Variants in TEX11 observed in about 807,000 individuals in gnomAD.
TEX11 encodes testis-expressed protein 11.
A neutral mutation model predicts 84.4 loss-of-function variants in TEX11; 7 were observed. The observed-to-expected ratio is 0.08, with a 90% confidence interval of 0.05 to 0.16. TEX11 has a LOEUF of 0.16. TEX11 is among the 10% of genes least tolerant of loss of function. The probability of loss-of-function intolerance (pLI) is 1.00; values close to 1 mark genes in which losing one functional copy is unlikely to be tolerated. For synonymous variants in TEX11, 264 were observed against 222.8 expected (o/e 1.18, Z -1.64); for missense variants, 551 against 660.5 (o/e 0.83, Z 1.82).
intron 17 of TEX11, among the ~76,000 whole-genome samples, chrX:70,640,241 C>A (rs939620087): frequency 6.5e-5 from 7 of 108,079 alleles, no homozygotes; most frequent in African/African-American, 3.3e-5. Flanking sequence ...AAGAAATGAG[C>A]AAAGCCTCCA....
chrX:70,711,633 GTTCT>G (rs1267923935), intron 13 of TEX11, among the ~76,000 whole-genome samples: 10 of 111,871 alleles, frequency 8.9e-5, no homozygotes, highest in African/African-American at 1.6e-4. Flanking sequence ...TGTTGATGGG[GTTCT>G]TTGTTTTTTT....
intron 25 of TEX11, among the ~76,000 whole-genome samples, chrX:70,575,438 G>T (rs1005860): frequency 4.8e-4 from 54 of 111,648 alleles, no homozygotes; most frequent in African/African-American, 1.6e-3. Context: ...TCATGAACAG[G>T]GTTACAGATA....
chrX:70,751,154 C>T (rs1213976534), intron 9 of TEX11, among the ~76,000 whole-genome samples: 2 of 104,871 alleles, frequency 1.9e-5, no homozygotes, highest in Admixed American at 2.1e-4. Flanking sequence ...GGATTATAAA[C>T]CATGCTGCTA....
At chrX:70,735,508 G>C (rs1483618436) in intron 11 of TEX11, among the ~76,000 whole-genome samples, 2 of 111,659 alleles carry the variant, frequency 1.8e-5, no homozygotes, top group Admixed American at 1.9e-4. Context: ...CAAAAGTCAA[G>C]AAAATAATTC....
At chrX:70,772,728 AAC>A (rs2147778521) in intron 9 of TEX11, among the ~76,000 whole-genome samples, 2 of 111,672 alleles carry the variant, frequency 1.8e-5, no homozygotes, top group East Asian at 5.6e-4. Flanking sequence ...ATTACAAGCG[AAC>A]ACAGACAACT....
chrX:70,836,291 C>T (rs2091405118), intron 7 of TEX11, among the ~76,000 whole-genome samples: 1 of 111,050 alleles, frequency 9.0e-6, no homozygotes, highest in South Asian at 3.8e-4. Flanking sequence ...TGAGACATGA[C>T]ACCAAAAGCA....
chrX:70,865,467 C>T (rs1277370720), intron 4 of TEX11, among the ~76,000 whole-genome samples: 1 of 111,394 alleles, frequency 9.0e-6, no homozygotes, highest in Non-Finnish European at 1.9e-5. Context: ...ACCCCACTGT[C>T]AATATTAGAC....
intron 8 of TEX11, among the ~76,000 whole-genome samples, chrX:70,831,395 G>A (rs1055708871): frequency 9.0e-6 from 1 of 111,104 alleles, no homozygotes; most frequent in Non-Finnish European, 1.9e-5. Flanking sequence ...GGGTGGCTGG[G>A]GCAAGAGGAC....
chrX:70,788,059 G>T (rs1235785316), intron 9 of TEX11, among the ~76,000 whole-genome samples: 1 of 110,075 alleles, frequency 9.1e-6, no homozygotes, highest in East Asian at 2.9e-4. Context: ...TGGATTGAAA[G>T]AATTCATATT....
intron 25 of TEX11, among the ~76,000 whole-genome samples, chrX:70,588,324 C>T (rs2088881020): frequency 9.0e-6 from 1 of 111,644 alleles, no homozygotes; most frequent in African/African-American, 3.3e-5. Flanking sequence ...CCCCATAATT[C>T]CCATGTATTA....
At chrX:70,842,059 G>A (rs1477597191) in intron 7 of TEX11, among the ~76,000 whole-genome samples, 1 of 110,961 alleles carries the variant, frequency 9.0e-6, no homozygotes, top group Non-Finnish European at 1.9e-5. Context: ...GGTACAAGGA[G>A]GAGCTGGTAC....
At chrX:70,732,359 T>C (rs1235123342) in intron 11 of TEX11, among the ~76,000 whole-genome samples, 2 of 111,559 alleles carry the variant, frequency 1.8e-5, no homozygotes, top group Non-Finnish European at 3.8e-5. Flanking sequence ...GGAAGTCAAA[T>C]TGTCCCTGTT....
intron 17 of TEX11, among the ~76,000 whole-genome samples, chrX:70,645,256 T>C (rs1228906723): frequency 9.1e-6 from 1 of 110,032 alleles, no homozygotes; most frequent in African/African-American, 3.3e-5. Flanking sequence ...AAAATGGAAA[T>C]CATTTCACAA....
chrX:70,611,906 C>A (rs1468439894), intron 20 of TEX11, among the ~76,000 whole-genome samples: 1 of 111,348 alleles, frequency 9.0e-6, no homozygotes, highest in Non-Finnish European at 1.9e-5. Flanking sequence ...GATGCCAAGG[C>A]GGGAGGATTG....
intron 9 of TEX11, among the ~76,000 whole-genome samples, chrX:70,788,038 C>T (rs903091503): frequency 1.4e-4 from 16 of 110,617 alleles, no homozygotes; most frequent in African/African-American, 5.2e-4. Flanking sequence ...TGGAAAGATA[C>T]CCCATGTTCA....
intron 7 of TEX11, among the ~76,000 whole-genome samples, chrX:70,839,588 C>T (rs959937126): frequency 1.8e-4 from 20 of 111,956 alleles, no homozygotes; most frequent in Non-Finnish European, 3.6e-4. Flanking sequence ...AGCGCCTCTC[C>T]TCCTCCAAAG....
intron 9 of TEX11, among the ~76,000 whole-genome samples, chrX:70,751,652 A>C: frequency 8.9e-6 from 1 of 111,758 alleles, no homozygotes; most frequent in East Asian, 2.8e-4. Context: ...AAAAGAAAAA[A>C]AAATCTGTGA....
the TEX11 span, among the ~76,000 whole-genome samples, chrX:70,517,167 G>A: frequency 2.7e-5 from 3 of 111,449 alleles, no homozygotes; most frequent in African/African-American, 9.8e-5. Context: ...TGTTGAATAG[G>A]ACTGGTGAGA....
At chrX:70,657,607 T>G (rs1412436263) in intron 16 of TEX11, among the ~76,000 whole-genome samples, 1 of 110,620 alleles carries the variant, frequency 9.0e-6, no homozygotes, top group African/African-American at 3.3e-5. Context: ...ATCATGCTGC[T>G]ATAAAGACAC....
Sources: gnomAD v4.1 joint callset for allele counts (sites outside exome capture counted in the v4.1 genomes callset) on GRCh38, gnomAD v4.1.1 for gene constraint, MANE v1.5 for transcripts, NCBI Gene and HGNC (gene_info 2026-07-23, HGNC 2026-07-21) for gene names.